Variants in ASNS observed in about 807,000 individuals in gnomAD.
ASNS encodes asparagine synthetase [glutamine-hydrolyzing].
In ASNS, 37 loss-of-function variants were observed where a neutral mutation model predicts 62.6. That is an observed-to-expected ratio of 0.59 (90% CI 0.45 to 0.78). The LOEUF (loss-of-function observed/expected upper bound fraction) is 0.78, where lower values mean the gene tolerates loss of function less well. Ranked by LOEUF, ASNS falls within the 30% of genes least tolerant of loss-of-function variation. The pLI is 0.00. For synonymous variants in ASNS, 207 were observed against 237.9 expected, an observed-to-expected ratio of 0.87 and a Z score of 1.19; for missense variants, 520 against 682.4, an observed-to-expected ratio of 0.76 and a Z score of 2.65.
chr7:97,922,551 A>C, the ASNS span, among the ~76,000 whole-genome samples: 4 of 152,076 alleles, frequency 2.6e-5, no homozygotes, highest in Non-Finnish European at 5.9e-5. Context: ...CATAACATAC[A>C]CTTGGAAATC....
In ASNS at chr7:97,853,134, C is replaced by A; in HGVS notation, c.1402G>T (p.Glu468Ter). Reference protein sequence around the residue: ...IPKEILWRPKEAFSDGITSVK... With the variant: ...IPKEILWRPK ...GAAGTTATTCCATCACTGAAGGCTT[C>A]TTTTGGTCGCCAGAGAATCTCTTTG... The change falls in exon 12 of 13, where the codon GAA becomes TAA. Residue 468 changes from glutamate (E) to a stop codon, truncating the protein, a stop_gained. Coordinates refer to ENST00000394308, the MANE Select transcript of ASNS (RefSeq NM_001673.5). LOFTEE classifies it high-confidence loss of function. 6.2e-7 allele frequency: 1 copy of A among 1,611,484 alleles called. No homozygotes were observed. Among genetic ancestry groups the A allele is most frequent in the Non-Finnish European group, 8.5e-7 (1 of 1,179,288 alleles).
the ASNS span, among the ~76,000 whole-genome samples, chr7:97,918,851 G>A: frequency 1.3e-5 from 2 of 152,000 alleles, no homozygotes; most frequent in Non-Finnish European, 1.5e-5. Context: ...CCTAGATGAC[G>A]GGTTGATGGG....
intron 6 of ASNS, among the ~76,000 whole-genome samples, chr7:97,858,641 C>T (rs370169709): frequency 6.6e-6 from 1 of 152,304 alleles, no homozygotes; most frequent in South Asian, 2.1e-4. Context: ...CACTGACTCA[C>T]TCTTAACACC....
chr7:97,866,575 C>T (rs1791983535), intron 3 of ASNS, among the ~76,000 whole-genome samples: 1 of 152,334 alleles, frequency 6.6e-6, no homozygotes, highest in South Asian at 2.1e-4. Flanking sequence ...ATTCCTCTTT[C>T]TTCTTTGTAC....
the ASNS span, chr7:97,898,684 G>C: frequency 2.3e-5 from 15 of 656,466 alleles, no homozygotes; most frequent in Non-Finnish European, 3.6e-5. Context: ...TCTGATTGTT[G>C]TGTTTTTTAG....
the ASNS span, among the ~76,000 whole-genome samples, chr7:97,884,286 C>T: frequency 6.6e-6 from 1 of 152,186 alleles, no homozygotes; most frequent in Non-Finnish European, 1.5e-5. Context: ...CAGTGGCTCA[C>T]GCCTGTAATC....
chr7:97,904,005 T>C, the ASNS span, among the ~76,000 whole-genome samples: 1 of 152,118 alleles, frequency 6.6e-6, no homozygotes, highest in Non-Finnish European at 1.5e-5. Flanking sequence ...GGTTCATGGC[T>C]GCACCGTTTA....
At chr7:97,914,950 C>G in the ASNS span, among the ~76,000 whole-genome samples, 2 of 152,184 alleles carry the variant, frequency 1.3e-5, no homozygotes, top group African/African-American at 4.8e-5. Flanking sequence ...AAGAGAGAGG[C>G]ACTCAAGAGA....
the ASNS span, among the ~76,000 whole-genome samples, chr7:97,896,741 C>CACATATAT: frequency 3.0e-3 from 59 of 19,778 alleles, 2 homozygotes; most frequent in Middle Eastern, 0.056. Context: ...CACACACACA[C>CACATATAT]ATATATATAT....
Position 97,872,406 on chromosome 7 carries a change from C to G in ASNS, c.-115G>C, listed in dbSNP as rs1792329397. The G allele has an allele frequency of 6.6e-6, 1 of 152,286 alleles. No individual in the cohort carries two copies. Among genetic ancestry groups the G allele is most frequent in the Non-Finnish European group, 1.5e-5 (1 of 68,484 alleles). 9.4% of individuals were successfully genotyped at this position (152,286 alleles called of 1,614,324 possible). A position where few individuals can be genotyped will look rare whatever the true frequency, so the allele number is the denominator to read the frequency against. On this transcript the variant is annotated 5_prime_UTR_variant, in exon 1 of 13. Coordinates refer to ENST00000394308, the MANE Select transcript of ASNS (RefSeq NM_001673.5). The stretch of plus-strand genomic sequence containing the variant: ...GGGCTGAGGCCAGGGATGTGGACAG[C>G]TTGACGGGCGGCGAGGCCGCTGGCG...
chr7:97,897,686 A>T, the ASNS span, among the ~76,000 whole-genome samples: 1 of 152,242 alleles, frequency 6.6e-6, no homozygotes, highest in East Asian at 1.9e-4. Context: ...CCATTATGAA[A>T]AAAAGTACAG....
At chr7:97,910,969 A>G in the ASNS span, among the ~76,000 whole-genome samples, 25,650 of 152,074 alleles carry the variant, frequency 0.17, 2,317 homozygotes, top group Middle Eastern at 0.23. Context: ...AATCTCTGTC[A>G]TTAAATCTTG....
At position 97,856,816 on chromosome 7, in the gene ASNS, C is replaced by T; in HGVS notation, c.904G>A (p.Val302Met). ...TGTTCACTTCCAATATGATCTGCCA[C>T]CTTATTATATAAAGAAATACCCATT... ...DSPDLLAARK[V>M]ADHIGSEHYE... The change falls in exon 8 of 13, where the codon GTG (valine) becomes ATG (methionine). Residue 302 changes from valine to methionine, a missense_variant and splice_region_variant. Transcript: ENST00000394308. 1 of 1,599,444 alleles carries T rather than the reference C, an allele frequency of 6.3e-7. No homozygotes were observed. The highest frequency in any genetic ancestry group is 1.1e-5 in the South Asian group (1 of 88,784).
chr7:97,896,731 CACACACACACATATATATAT>C, the ASNS span, among the ~76,000 whole-genome samples: 11 of 27,866 alleles, frequency 3.9e-4, 1 homozygote, highest in African/African-American at 9.7e-4. Flanking sequence ...CACACACACA[CACACACACACATATATATAT>C]ATATATATAT....
the ASNS span, chr7:97,927,955 C>A: frequency 1.1e-5 from 7 of 639,020 alleles, no homozygotes; most frequent in Non-Finnish European, 1.9e-5. Context: ...TAAATGTGTT[C>A]AGAATGAAGG....
In ASNS at chr7:97,852,922, TATGTATCATTCAAACTAAATAC is replaced by T. The variant is rs1432021439; in HGVS notation, c.1476+116_1476+137del. The T allele has an allele frequency of 6.2e-4, 457 of 739,800 alleles. 1 individual carries two copies. Among genetic ancestry groups the T allele is most frequent in the Non-Finnish European group, 7.9e-4 (383 of 486,534 alleles). 45.8% of individuals were successfully genotyped at this position (739,800 alleles called of 1,614,324 possible). On this transcript the variant is annotated intron_variant, in intron 12 of 12. Transcript: ENST00000394308. The stretch of plus-strand genomic sequence containing the variant: ...CATCCTATCAGAGAGATATCTGATG[TATGTATCATTCAAACTAAATAC>T]ATGTATCATTCAAACTAAATACATG...
At chr7:97,864,127 A>G in intron 4 of ASNS, 132 bp downstream of exon 4, 3 of 764,088 alleles carry the variant, frequency 3.9e-6, no homozygotes, top group Non-Finnish European at 6.2e-6. Context: ...GTTTTTTTAA[A>G]AAAAGGTAAA....
chr7:97,903,152 G>A, the ASNS span, among the ~76,000 whole-genome samples: 9 of 152,038 alleles, frequency 5.9e-5, no homozygotes, highest in South Asian at 4.2e-4. Flanking sequence ...CTGCTCTTTC[G>A]TGCTCAGGAT....
At chr7:97,904,283 TTC>T in the ASNS span, among the ~76,000 whole-genome samples, 1 of 88,250 alleles carries the variant, frequency 1.1e-5, no homozygotes, top group Non-Finnish European at 2.3e-5. Flanking sequence ...AACTACCAGT[TTC>T]ACACACACAC....
Sources: allele counts gnomAD v4.1 joint callset (sites outside exome capture counted in the v4.1 genomes callset), GRCh38; gene constraint gnomAD v4.1.1; transcripts MANE v1.5; gene names NCBI Gene and HGNC (gene_info 2026-07-23, HGNC 2026-07-21).